ADIPOR2: variants seen among roughly 807,000 people sequenced by gnomAD.
The protein encoded by ADIPOR2 is adiponectin receptor 2, also known as adiponectin receptor protein 2.
A neutral mutation model predicts 40.9 loss-of-function variants in ADIPOR2; 18 were observed. The observed-to-expected ratio is 0.44, with a 90% CI of 0.30 to 0.65. The LOEUF (loss-of-function observed/expected upper bound fraction) is 0.65, where lower values mean the gene tolerates loss of function less well. ADIPOR2 is among the 30% of genes least tolerant of loss of function. ADIPOR2 has a pLI of 0.09. For synonymous variants in ADIPOR2, 165 were observed against 166.4 expected, an observed-to-expected ratio of 0.99 and a Z score of 0.06; for missense variants, 283 against 479.2, an observed-to-expected ratio of 0.59 and a Z score of 3.82.
chr12:1,726,456 C>G (rs1036704423), intron 1 of ADIPOR2, among the ~76,000 whole-genome samples: 1 of 152,130 alleles, frequency 6.6e-6, no homozygotes, highest in African/African-American at 2.4e-5. Context: ...TGTTGGCCTC[C>G]CAAAGTGCTG....
chr12:1,747,654 C>T (rs373895887), intron 1 of ADIPOR2, among the ~76,000 whole-genome samples: 25 of 151,970 alleles, frequency 1.6e-4, no homozygotes, highest in African/African-American at 2.7e-4. Flanking sequence ...AGGTCTGTTT[C>T]GCCTTCAGTT....
chr12:1,705,741 T>G (rs1002588212), intron 1 of ADIPOR2, among the ~76,000 whole-genome samples: 2 of 152,232 alleles, frequency 1.3e-5, no homozygotes, highest in Admixed American at 6.5e-5. Flanking sequence ...AAAAGAGTTG[T>G]AGAAAGACTT....
At chr12:1,701,633 C>G (rs2094650424) in intron 1 of ADIPOR2, among the ~76,000 whole-genome samples, 1 of 152,092 alleles carries the variant, frequency 6.6e-6, no homozygotes, top group Non-Finnish European at 1.5e-5. Context: ...ATGGCCCACC[C>G]TAATAGTCAT....
At chr12:1,706,759 T>C (rs1370873433) in intron 1 of ADIPOR2, among the ~76,000 whole-genome samples, 1 of 152,142 alleles carries the variant, frequency 6.6e-6, no homozygotes, top group African/African-American at 2.4e-5. Flanking sequence ...TCACAGTCAG[T>C]GCACCACACC....
intron 2 of ADIPOR2, among the ~76,000 whole-genome samples, chr12:1,764,712 A>G (rs1358770403): frequency 6.6e-6 from 1 of 152,088 alleles, no homozygotes; most frequent in Admixed American, 6.6e-5. Context: ...CCACTCCCCC[A>G]AAGGTAACCA....
intron 6 of ADIPOR2, 145 bp downstream of exon 6, chr12:1,781,221 GT>G: frequency 1.6e-5 from 14 of 886,760 alleles, no homozygotes; most frequent in South Asian, 2.2e-5. Context: ...ATTGTTGGGG[GT>G]TTTTTTATGT....
At chr12:1,758,493 G>A (rs1216535269) in intron 2 of ADIPOR2, among the ~76,000 whole-genome samples, 1 of 152,126 alleles carries the variant, frequency 6.6e-6, no homozygotes, top group African/African-American at 2.4e-5. Flanking sequence ...ATGAAAATTT[G>A]CGTGTGTATG....
At chr12:1,776,200 G>A (rs563454510) in intron 3 of ADIPOR2, among the ~76,000 whole-genome samples, 1 of 152,300 alleles carries the variant, frequency 6.6e-6, no homozygotes, top group East Asian at 1.9e-4. Context: ...TTACACAGAG[G>A]ATTAGTTCTT....
intron 2 of ADIPOR2, among the ~76,000 whole-genome samples, chr12:1,754,849 CGACTACAGG>C (rs1862089054): frequency 1.3e-4 from 18 of 138,122 alleles, no homozygotes; most frequent in South Asian, 4.8e-4. Flanking sequence ...TCTCCTGCCT[CGACTACAGG>C]TACATGCCAC....
intron 2 of ADIPOR2, among the ~76,000 whole-genome samples, chr12:1,763,934 G>A (rs939566943): frequency 1.3e-5 from 2 of 152,178 alleles, no homozygotes; most frequent in African/African-American, 2.4e-5. Context: ...AGCCATGATT[G>A]TGCCACTGCA....
intron 1 of ADIPOR2, among the ~76,000 whole-genome samples, chr12:1,724,271 G>A (rs781680355): frequency 7.2e-5 from 11 of 152,222 alleles, no homozygotes; most frequent in Non-Finnish European, 7.4e-5. Context: ...GTGAGCCACC[G>A]CACCCGGCCA....
At chr12:1,724,415 T>G (rs1475891437) in intron 1 of ADIPOR2, among the ~76,000 whole-genome samples, 1 of 152,142 alleles carries the variant, frequency 6.6e-6, no homozygotes, top group African/African-American at 2.4e-5. Context: ...ACTGTATGAT[T>G]CCACTTTAAT....
At chr12:1,746,323 A>G (rs2094754903) in intron 1 of ADIPOR2, among the ~76,000 whole-genome samples, 1 of 152,036 alleles carries the variant, frequency 6.6e-6, no homozygotes, top group Non-Finnish European at 1.5e-5. Context: ...CTTCATCTTT[A>G]CTAAAAATAC....
chr12:1,754,686 T>TA (rs1862076577), intron 2 of ADIPOR2, among the ~76,000 whole-genome samples, 172 bp downstream of exon 2: 1 of 110,034 alleles, frequency 9.1e-6, no homozygotes, highest in African/African-American at 2.9e-5. Flanking sequence ...GTCTCTTATC[T>TA]TTATTATTAT....
chr12:1,695,502 TTA>T (rs1180084648), intron 1 of ADIPOR2, among the ~76,000 whole-genome samples: 2 of 113,108 alleles, frequency 1.8e-5, no homozygotes, highest in African/African-American at 2.7e-5. Context: ...CAAAAATATA[TTA>T]AAAAAAAAAT....
At chr12:1,729,643 A>AT (rs2094715794) in intron 1 of ADIPOR2, among the ~76,000 whole-genome samples, 3 of 27,472 alleles carry the variant, frequency 1.1e-4, no homozygotes, top group African/African-American at 2.6e-4. Context: ...TTTTTTTTTG[A>AT]GTGTTTTTTT....
intron 1 of ADIPOR2, among the ~76,000 whole-genome samples, chr12:1,713,229 G>A (rs1253929166): frequency 6.6e-6 from 1 of 152,098 alleles, no homozygotes; most frequent in African/African-American, 2.4e-5. Context: ...CCAGAACTGT[G>A]AACGATTCTG....
At chr12:1,697,803 C>G (rs2094642321) in intron 1 of ADIPOR2, 1 of 152,300 alleles carries the variant, frequency 6.6e-6, no homozygotes, top group Admixed American at 6.5e-5. Flanking sequence ...GAAAGTAGAT[C>G]TTTTAGCTCT....
chr12:1,725,117 CAA>C (rs1301211151), intron 1 of ADIPOR2, among the ~76,000 whole-genome samples: 3 of 108,810 alleles, frequency 2.8e-5, no homozygotes, highest in African/African-American at 9.4e-5. Flanking sequence ...CCAAATACCG[CAA>C]ACTTTCTTTT....
Sources: allele counts gnomAD v4.1 joint callset (sites outside exome capture counted in the v4.1 genomes callset), GRCh38; gene constraint gnomAD v4.1.1; transcripts MANE v1.5; gene names NCBI Gene and HGNC (gene_info 2026-07-23, HGNC 2026-07-21).